Variants in PP2D1 observed in about 807,000 individuals in gnomAD.
PP2D1 encodes the protein protein phosphatase 2C like domain containing 1.
PP2D1 carries 25 observed loss-of-function variants against 30.2 expected under a neutral mutation model. The ratio of observed to expected loss-of-function variants is 0.83; its 90% CI spans 0.60 to 1.16. The LOEUF (loss-of-function observed/expected upper bound fraction) is 1.16. Among genes scored for constraint, PP2D1 ranks in the 50% most tolerant of loss-of-function variants. The pLI, the probability that PP2D1 is intolerant of heterozygous loss-of-function variation, is 0.00. For missense variants in PP2D1, 760 were observed against 742.4 expected (o/e 1.02, Z -0.28); for synonymous variants, 260 against 258.9 (o/e 1.00, Z -0.04).
chr3:19,991,449 G>T (rs1322650101), intron 2 of PP2D1, among the ~76,000 whole-genome samples: 1 of 152,146 alleles, frequency 6.6e-6, no homozygotes, highest in African/African-American at 2.4e-5. Flanking sequence ...AATGAGAGAA[G>T]AGGAAAAGAA....
intron 1 of PP2D1, among the ~76,000 whole-genome samples, chr3:20,007,204 A>G (rs1203326680): frequency 2.0e-5 from 3 of 152,138 alleles, no homozygotes; most frequent in African/African-American, 7.2e-5. Flanking sequence ...CTCTTGATAG[A>G]ATATACATAA....
At chr3:20,009,430 T>G (rs1224008386) in intron 1 of PP2D1, among the ~76,000 whole-genome samples, 2 of 152,054 alleles carry the variant, frequency 1.3e-5, no homozygotes, top group Non-Finnish European at 2.9e-5. Flanking sequence ...CACAATACTC[T>G]AGCCTGGGTG....
At chr3:19,999,429 T>A (rs1237134248) in intron 2 of PP2D1, among the ~76,000 whole-genome samples, 3 of 151,886 alleles carry the variant, frequency 2.0e-5, no homozygotes. Flanking sequence ...TTGCCCAGTC[T>A]GGAGTGCAGT....
intron 2 of PP2D1, among the ~76,000 whole-genome samples, chr3:19,989,920 C>A (rs188386257): frequency 3.9e-5 from 6 of 151,954 alleles, no homozygotes; most frequent in Non-Finnish European, 8.8e-5. Context: ...TATGTACTTA[C>A]AATGGAAGGA....
chr3:20,008,589 CA>C (rs774383184), intron 1 of PP2D1, among the ~76,000 whole-genome samples: 1 of 151,926 alleles, frequency 6.6e-6, no homozygotes. Flanking sequence ...GACAACCAAA[CA>C]AAAAAACTGT....
At chr3:20,004,774 A>AG (rs1033673545) in intron 1 of PP2D1, among the ~76,000 whole-genome samples, 1 of 152,036 alleles carries the variant, frequency 6.6e-6, no homozygotes. Flanking sequence ...AGACCAGAAA[A>AG]AAAAATACTT....
chr3:19,985,574 C>T lies in PP2D1; in HGVS notation c.1699G>A (p.Val567Ile). ...TTHRKPCSEK[V>I]TDRPTSVNDV... The stretch of plus-strand genomic sequence containing the variant: ...TTTACACTAGTTGGTCTGTCAGTTA[C>T]TTTTTCACTGCAAGGTTTACGATGA... Residue 567 changes from valine to isoleucine, a missense_variant, in exon 3 of 3, where the codon GTA becomes ATA. By Grantham distance (29) the Val-to-Ile change is conservative. Transcript: ENST00000389050. 6.5e-7 allele frequency: 1 copy of T among 1,536,014 alleles called. No homozygotes were observed. The highest frequency in any genetic ancestry group is 8.7e-7 in the Non-Finnish European group (1 of 1,146,854).
At chr3:19,999,684 C>T (rs1697229013) in intron 2 of PP2D1, among the ~76,000 whole-genome samples, 1 of 152,134 alleles carries the variant, frequency 6.6e-6, no homozygotes, top group Admixed American at 6.6e-5. Context: ...CCACCACCCA[C>T]AGCTGTGTCT....
downstream of PP2D1, chr3:19,984,780 A>T (rs1260502714): frequency 1.3e-5 from 2 of 153,068 alleles, no homozygotes; most frequent in African/African-American, 4.8e-5. Context: ...GAGTTGCTTA[A>T]AAGCATACAA....
Position 20,001,328 on chromosome 3 carries a change from G to T in PP2D1, c.792C>A (p.Asp264Glu), listed in dbSNP as rs866318489. The change falls in exon 2 of 3, where the codon GAC (aspartate) becomes GAA (glutamate). Residue 264 changes from aspartate to glutamate, a missense_variant. Asp to Glu is a conservative substitution (Grantham distance 45). Coordinates refer to ENST00000389050, the MANE Select transcript of PP2D1 (RefSeq NM_001252657.2). ...VFREEYAAIE[D>E]LFSAINKTEA... ...CTGTTTTGTTTATGGCAGAAAAGAG[G>T]TCTTCTATTGCTGCGTATTCTTCTC... The T allele has an allele frequency of 6.5e-7, 1 of 1,535,320 alleles. No individual in the cohort carries two copies. The highest frequency in any genetic ancestry group is 8.7e-7 in the Non-Finnish European group (1 of 1,146,282).
At chr3:20,002,607 T>A (rs1013134504) in intron 1 of PP2D1, among the ~76,000 whole-genome samples, 3 of 152,144 alleles carry the variant, frequency 2.0e-5, no homozygotes, top group African/African-American at 7.2e-5. Flanking sequence ...CCTACTGTGC[T>A]GCCAGTCAAA....
intron 2 of PP2D1, among the ~76,000 whole-genome samples, chr3:19,999,845 T>C (rs1697230463): frequency 6.6e-6 from 1 of 152,222 alleles, no homozygotes; most frequent in African/African-American, 2.4e-5. Flanking sequence ...TCTGTAATGA[T>C]TATGTCTATG....
intron 2 of PP2D1, among the ~76,000 whole-genome samples, chr3:19,999,929 C>G (rs1697231105): frequency 6.6e-6 from 1 of 152,154 alleles, no homozygotes; most frequent in Non-Finnish European, 1.5e-5. Flanking sequence ...ACTTAGCTTT[C>G]TTGGTATTGT....
intron 2 of PP2D1, among the ~76,000 whole-genome samples, chr3:19,989,193 G>A (rs1296899542): frequency 1.3e-5 from 2 of 151,752 alleles, no homozygotes; most frequent in East Asian, 1.9e-4. Flanking sequence ...TTAGCCGGGC[G>A]TGATGGTGCA....
chr3:19,994,044 A>T (rs28486040), intron 2 of PP2D1, among the ~76,000 whole-genome samples: 2,667 of 66,476 alleles, frequency 0.04, 69 homozygotes, highest in African/African-American at 0.098. Context: ...ATTCTGTCTT[A>T]AAAAAAAAAA....
chr3:20,003,588 C>CA (rs1169754444), intron 1 of PP2D1, among the ~76,000 whole-genome samples: 2 of 151,632 alleles, frequency 1.3e-5, no homozygotes, highest in African/African-American at 4.8e-5. Flanking sequence ...ACTAAAAATA[C>CA]AAAAAATTAG....
intron 2 of PP2D1, among the ~76,000 whole-genome samples, chr3:19,999,000 A>G (rs1697217513): frequency 6.6e-6 from 1 of 152,132 alleles, no homozygotes; most frequent in African/African-American, 2.4e-5. Flanking sequence ...CAAACAGTTT[A>G]ACACCATTGT....
In PP2D1 at chr3:20,011,376, T is replaced by C. The variant is rs2948099; in HGVS notation, c.23+674A>G. ...AAAGCACCGCAACAGTGTGTTTTGA[T>C]CTGAAGTCAATTACTTGTATCAGAA... On this transcript the variant is annotated intron_variant, in intron 1 of 2. Transcript: ENST00000389050. Among the ~76,000 whole-genome samples the C allele has an allele frequency of 3.3e-4, 50 of 152,204 alleles. 1 individual carries two copies. Among genetic ancestry groups the C allele is most frequent in the Admixed American group, 9.2e-4 (14 of 15,278 alleles).
intron 2 of PP2D1, among the ~76,000 whole-genome samples, chr3:19,993,962 G>A (rs1324944156): frequency 6.6e-6 from 1 of 151,724 alleles, no homozygotes; most frequent in Non-Finnish European, 1.5e-5. Flanking sequence ...TTGAACTCCT[G>A]ACCTTGTGAT....
Sources: allele counts gnomAD v4.1 joint callset (sites outside exome capture counted in the v4.1 genomes callset), GRCh38; gene constraint gnomAD v4.1.1; transcripts MANE v1.5; gene names NCBI Gene and HGNC (gene_info 2026-07-23, HGNC 2026-07-21).